The following PCNT variants were observed in gnomAD, a reference collection of about 807,000 sequenced individuals.
PCNT encodes the protein pericentrin.
Under a neutral mutation model 380.4 loss-of-function variants are expected in PCNT, and 319 were observed. The ratio of observed to expected loss-of-function variants is 0.84; its 90% CI spans 0.77 to 0.92. The LOEUF is 0.92. Ranked by LOEUF, PCNT falls within the 40% of genes least tolerant of loss-of-function variation. PCNT has a pLI of 0.00. For synonymous variants in PCNT, 1,845 were observed against 1,735.2 expected (o/e 1.06, Z -1.57); for missense variants, 4,400 against 4,255.3 (o/e 1.03, Z -0.95).
At chr21:46,371,915 C>T (rs1376342256) in intron 15 of PCNT, among the ~76,000 whole-genome samples, 2 of 151,224 alleles carry the variant, frequency 1.3e-5, no homozygotes, top group African/African-American at 4.9e-5. Context: ...CACATGTGCG[C>T]ACACAGCACA....
intron 16 of PCNT, among the ~76,000 whole-genome samples, chr21:46,382,695 TCA>T (rs1433996092): frequency 1.5e-5 from 2 of 133,200 alleles, no homozygotes; most frequent in Non-Finnish European, 1.6e-5. Flanking sequence ...GGAAGCGCAT[TCA>T]CAGTGTTGTA....
At chr21:46,324,564 G>C (rs1218460667) in intron 1 of PCNT, among the ~76,000 whole-genome samples, 1 of 99,034 alleles carries the variant, frequency 1.0e-5, no homozygotes, top group African/African-American at 5.0e-5. Context: ...CGCCTGCGTC[G>C]GGGGGGGTGG....
In PCNT at chr21:46,368,886, C is replaced by T. The variant is rs138457109; in HGVS notation, c.3165+1747C>T. 3.0e-3 allele frequency among the ~76,000 whole-genome samples: 454 copies of T among 152,350 alleles called. 8 individuals carry two copies. The highest frequency in any genetic ancestry group is 4.6e-4 in the Non-Finnish European group (31 of 68,036). On this transcript the variant is annotated intron_variant, in intron 15 of 46. Transcript: ENST00000359568. ...ATTGCCAGCTTGGATAAGGTGGATA[C>T]GTTGATTTCCTGATACCAGCATGCC...
chr21:46,435,687 C>T (rs184996871), intron 38 of PCNT, among the ~76,000 whole-genome samples: 8 of 151,552 alleles, frequency 5.3e-5, no homozygotes, highest in African/African-American at 1.2e-4. Flanking sequence ...GGACTACAGG[C>T]GCCCGCCACC....
Position 46,432,234 on chromosome 21 carries a change from C to T in PCNT, c.8751+19C>T, listed in dbSNP as rs769861932. On this transcript the variant is annotated intron_variant, in intron 38 of 46. Transcript: ENST00000359568. ...GAAGCTGGTGAGAGCCGCCTGCCGG[C>T]GGAGCGTCCACACCTAAAAACGATA... The T allele has an allele frequency of 5.0e-6, 8 of 1,593,562 alleles. No homozygotes were observed. Among genetic ancestry groups the T allele is most frequent in the South Asian group, 1.1e-5 (1 of 89,158 alleles).
At chr21:46,330,556 G>A (rs2083526243) in intron 2 of PCNT, among the ~76,000 whole-genome samples, 1 of 152,136 alleles carries the variant, frequency 6.6e-6, no homozygotes, top group South Asian at 2.1e-4. Context: ...AAAACCATTG[G>A]TGCTTTAGAA....
chr21:46,370,878 AC>A (rs1360303651), intron 15 of PCNT, among the ~76,000 whole-genome samples: 1 of 152,330 alleles, frequency 6.6e-6, no homozygotes, highest in East Asian at 1.9e-4. Context: ...TACTAAAAAT[AC>A]AAAAAATTAG....
At chr21:46,370,285 G>A (rs1170677762) in intron 15 of PCNT, among the ~76,000 whole-genome samples, 2 of 152,068 alleles carry the variant, frequency 1.3e-5, no homozygotes, top group African/African-American at 4.8e-5. Context: ...GCAGGGTTCT[G>A]GTCTGGTCTG....
intron 5 of PCNT, 120 bp from the exon 6 acceptor site, chr21:46,347,337 C>T: frequency 2.1e-6 from 2 of 959,252 alleles, no homozygotes; most frequent in Non-Finnish European, 3.4e-6. Flanking sequence ...ACACATCCTG[C>T]TAGCCCGTGA....
At position 46,401,616 on chromosome 21, in the gene PCNT, A is replaced by G. The variant is rs2086430055; in HGVS notation, c.4857A>G (p.Thr1619=). The change falls in exon 26 of 47, where the codon ACA becomes ACG. Residue 1619 remains threonine, a synonymous_variant. Transcript: ENST00000359568. ...SLLLASTLQS[T]LDAGRCPEPP... Reference sequence around the variant, plus strand: ...TTCTGGCGTCCACGTTGCAGTCTACACTAGATGCAGGCAGATGTCCCGAGC... The same window carrying G: ...TTCTGGCGTCCACGTTGCAGTCTACGCTAGATGCAGGCAGATGTCCCGAGC... The G allele has an allele frequency of 1.2e-6, 2 of 1,613,830 alleles. No homozygotes were observed. Among genetic ancestry groups the G allele is most frequent in the Non-Finnish European group, 8.5e-7 (1 of 1,179,872 alleles).
chr21:46,411,234 A>G lies in PCNT; in HGVS notation c.5161A>G (p.Ile1721Val). ...TGAGATTGAAGAGCTGAAAGCCACT[A>G]TTGAAAATCTGCAAGAGAATCAGAA... Reference protein sequence around the residue: ...SSEIEELKATIENLQENQKRL... With the variant: ...SSEIEELKATVENLQENQKRL... The change falls in exon 28 of 47, where the codon ATT becomes GTT. Residue 1721 changes from isoleucine (I) to valine (V), a missense_variant. By Grantham distance (29) the Ile-to-Val change is conservative. Coordinates refer to ENST00000359568, the MANE Select transcript of PCNT (RefSeq NM_006031.6). 1 of 1,614,176 alleles carries G rather than the reference A, an allele frequency of 6.2e-7. No individual in the cohort carries two copies. Among genetic ancestry groups the G allele is most frequent in the South Asian group, 1.1e-5 (1 of 91,086 alleles).
chr21:46,383,832 G>A (rs1417881940), intron 16 of PCNT, among the ~76,000 whole-genome samples: 6 of 140,668 alleles, frequency 4.3e-5, no homozygotes, highest in South Asian at 4.9e-4. Flanking sequence ...GTTCAGTGGC[G>A]GAAGCGCATT....
At chr21:46,371,214 C>CTTTT (rs924903931) in intron 15 of PCNT, among the ~76,000 whole-genome samples, 3 of 136,806 alleles carry the variant, frequency 2.2e-5, no homozygotes, top group Admixed American at 1.5e-4. Context: ...TTCTTTCTTT[C>CTTTT]TTTTTTTTTT....
At chr21:46,426,079 T>TC in intron 33 of PCNT, 108 bp downstream of exon 33, 1 of 1,026,712 alleles carries the variant, frequency 9.7e-7, no homozygotes, top group Non-Finnish European at 1.3e-6. Flanking sequence ...CTTTTTTTTT[T>TC]TTTTTTTTTT....
intron 25 of PCNT, 129 bp from the exon 26 acceptor site, chr21:46,401,422 G>A (rs1270948260): frequency 3.9e-6 from 3 of 762,330 alleles, no homozygotes; most frequent in Non-Finnish European, 6.8e-6. Flanking sequence ...GTCACTGAGT[G>A]CAGGGGCGTG....
chr21:46,350,253 G>A (rs1569182342), intron 8 of PCNT, among the ~76,000 whole-genome samples: 1 of 152,200 alleles, frequency 6.6e-6, no homozygotes, highest in Non-Finnish European at 1.5e-5. Context: ...TAAGGATATA[G>A]TCTCTGAGAC....
rs376147151 is a variant in PCNT, at chr21:46,416,103, C to T, written c.6185C>T (p.Pro2062Leu). ...AAAGTACTGGAAGATTGTCAGCTGC[C>T]GAAGGTCGATCTCGTAGCTCAGGTG... ...KEKVLEDCQL[P>L]KVDLVAQVKQ... is the part of the protein sequence containing the mutation. The change falls in exon 30 of 47, where the codon CCG (proline) becomes CTG (leucine). Residue 2062 changes from proline (P) to leucine (L), a missense_variant. Transcript: ENST00000359568. The T allele has an allele frequency of 7.4e-6, 12 of 1,613,976 alleles. No homozygotes were observed. The highest frequency in any genetic ancestry group is 5.3e-5 in the African/African-American group (4 of 74,876).
chr21:46,383,529 G>T (rs1313271903), intron 16 of PCNT, among the ~76,000 whole-genome samples: 1 of 141,870 alleles, frequency 7.0e-6, no homozygotes, highest in Non-Finnish European at 1.5e-5. Context: ...ATTCAGTGGC[G>T]GAAGCGCATT....
intron 13 of PCNT, among the ~76,000 whole-genome samples, chr21:46,357,399 G>T (rs981671813): frequency 6.6e-6 from 1 of 152,220 alleles, no homozygotes; most frequent in African/African-American, 2.4e-5. Context: ...AATCTTGTCA[G>T]GGTCAGCACC....
Sources: gnomAD v4.1 joint callset for allele counts (sites outside exome capture counted in the v4.1 genomes callset) on GRCh38, gnomAD v4.1.1 for gene constraint, MANE v1.5 for transcripts, NCBI Gene and HGNC (gene_info 2026-07-23, HGNC 2026-07-21) for gene names.